The following UVRAG variants were observed in gnomAD, a reference collection of about 807,000 sequenced individuals.
UVRAG encodes UV radiation resistance-associated gene protein.
Under a neutral mutation model 78.0 loss-of-function variants are expected in UVRAG, and 19 were observed. That is an observed-to-expected ratio of 0.24 (90% confidence interval 0.17 to 0.36). UVRAG has a LOEUF of 0.36. Among genes scored for constraint, UVRAG ranks in the 10% least tolerant of loss-of-function variants. The pLI is 1.00. For missense variants in UVRAG, 740 were observed against 853.8 expected (o/e 0.87, Z 1.66); for synonymous variants, 323 against 324.6 (o/e 1.00, Z 0.05).
intron 13 of UVRAG, among the ~76,000 whole-genome samples, chr11:76,083,489 C>T (rs1422753591): frequency 6.6e-6 from 1 of 152,106 alleles, no homozygotes; most frequent in African/African-American, 2.4e-5. Flanking sequence ...AGTAAACGAG[C>T]TTTTGGGTAT....
chr11:76,115,967 C>T lies in UVRAG; in HGVS notation c.1349C>T (p.Thr450Ile). Residue 450 changes from threonine (T) to isoleucine (I), a missense_variant, in exon 14 of 15, where the codon ACC becomes ATC. Coordinates refer to ENST00000356136, the MANE Select transcript of UVRAG (RefSeq NM_003369.4). ...CTAGGGACTCCAGACTTGCGGCAAA[C>T]CCTTCCCAACCTGAAAAACTTCATG... Reference protein sequence around the residue: ...HGLGTPDLRQTLPNLKNFMEH... With the variant: ...HGLGTPDLRQILPNLKNFMEH... 1 of 1,613,936 alleles carries T rather than the reference C, an allele frequency of 6.2e-7. No homozygotes were observed. Among genetic ancestry groups the T allele is most frequent in the Non-Finnish European group, 8.5e-7 (1 of 1,179,880 alleles).
chr11:75,937,144 C>T (rs1222809494), intron 6 of UVRAG, among the ~76,000 whole-genome samples: 7 of 152,216 alleles, frequency 4.6e-5, no homozygotes, highest in Non-Finnish European at 8.8e-5. Context: ...CCAAGGTGGG[C>T]GGATCCTGAG....
At chr11:76,119,123 C>T (rs1290579871) in intron 14 of UVRAG, among the ~76,000 whole-genome samples, 2 of 152,068 alleles carry the variant, frequency 1.3e-5, no homozygotes, top group Non-Finnish European at 2.9e-5. Flanking sequence ...TGGTGCCTAC[C>T]GAATTCTAAA....
rs939740369 is a variant in UVRAG, at chr11:75,943,381, C to T, written c.594-18063C>T. ...TAAATTGTAAAAATCTTGTCCATAT[C>T]TGTAGTTTGTTTTGTTTATTGTTTC... On this transcript the variant is annotated intron_variant, in intron 6 of 14. Transcript: ENST00000356136. Among the ~76,000 whole-genome samples the T allele has an allele frequency of 4.0e-5, 6 of 149,472 alleles. No homozygotes were observed. The South Asian group carries it at 1.3e-3, about 31-fold the overall frequency.
intron 5 of UVRAG, among the ~76,000 whole-genome samples, chr11:75,899,425 G>A (rs1265027227): frequency 6.6e-6 from 1 of 152,032 alleles, no homozygotes; most frequent in African/African-American, 2.4e-5. Context: ...TGTCAGAAAG[G>A]TTATGTATTT....
At chr11:76,035,587 C>T (rs371278133) in intron 12 of UVRAG, among the ~76,000 whole-genome samples, 19 of 152,112 alleles carry the variant, frequency 1.2e-4, no homozygotes, top group African/African-American at 4.3e-4. Flanking sequence ...AACCTGTTCA[C>T]CTATTCATGC....
rs79445829 is a variant in UVRAG at position 76,012,756 on chromosome 11, G to A, written c.1060+3889G>A. 4.0e-5 allele frequency among the ~76,000 whole-genome samples: 6 copies of A among 151,544 alleles called. No individual in the cohort carries two copies. The East Asian group carries it at 1.2e-3, about 29-fold the overall frequency. On this transcript the variant is annotated intron_variant, in intron 11 of 14. Coordinates refer to ENST00000356136, the MANE Select transcript of UVRAG (RefSeq NM_003369.4). ...AATGTCCAGTGAAGGGTGTTCATCT[G>A]AGTTCCACTGACCGAGACATTTAGC...
intron 14 of UVRAG, among the ~76,000 whole-genome samples, chr11:76,121,886 C>A (rs1041015977): frequency 6.6e-6 from 1 of 152,128 alleles, no homozygotes; most frequent in African/African-American, 2.4e-5. Context: ...GTGTGTATTC[C>A]CTCAGTAGCT....
intron 11 of UVRAG, among the ~76,000 whole-genome samples, chr11:76,010,550 G>C (rs1256982778): frequency 1.3e-5 from 2 of 152,126 alleles, no homozygotes; most frequent in Non-Finnish European, 2.9e-5. Context: ...TGATGAAGGA[G>C]GAATGGGCTT....
chr11:76,125,949 A>AC (rs1952379614), intron 14 of UVRAG, among the ~76,000 whole-genome samples: 1 of 146,422 alleles, frequency 6.8e-6, no homozygotes, highest in African/African-American at 2.5e-5. Flanking sequence ...TCTGGCAGTC[A>AC]CTTTTTTTTT....
At chr11:76,139,188 A>G (rs1287840127) in intron 14 of UVRAG, among the ~76,000 whole-genome samples, 1 of 152,136 alleles carries the variant, frequency 6.6e-6, no homozygotes, top group Non-Finnish European at 1.5e-5. Flanking sequence ...CTTCCCAAGA[A>G]TAACCCTTGC....
chr11:76,048,347 G>A (rs1950802573), intron 12 of UVRAG, among the ~76,000 whole-genome samples: 1 of 152,180 alleles, frequency 6.6e-6, no homozygotes, highest in African/African-American at 2.4e-5. Context: ...TGCAGAACAG[G>A]TAAAGATTAG....
chr11:75,820,739 G>A (rs1373582848), intron 1 of UVRAG, among the ~76,000 whole-genome samples: 1 of 152,120 alleles, frequency 6.6e-6, no homozygotes, highest in Non-Finnish European at 1.5e-5. Flanking sequence ...GACTAAAAAA[G>A]TCCATAGTTC....
In UVRAG at chr11:75,880,053, C is replaced by G. The variant is rs1447411938; in HGVS notation, c.432+13C>G. 6 of 1,613,108 alleles carry G rather than the reference C, an allele frequency of 3.7e-6. No homozygotes were observed. Among genetic ancestry groups the G allele is most frequent in the Non-Finnish European group, 3.4e-6 (4 of 1,179,294 alleles). ...CTTGGGTCAGCAGGTAATTTTTAGACTGTAGTTTCAAGTAGTTGTCATCTC... is the reference window on the plus strand; with the variant it reads ...CTTGGGTCAGCAGGTAATTTTTAGAGTGTAGTTTCAAGTAGTTGTCATCTC... On this transcript the variant is annotated intron_variant, in intron 4 of 14. Transcript: ENST00000356136.
rs550029089 is a variant in UVRAG at position 75,839,350 on chromosome 11, C to G, written c.118-12533C>G. On this transcript the variant is annotated intron_variant, in intron 1 of 14. Transcript: ENST00000356136. ...TAGTAATTTTTTTCTTTTATAGCTT[C>G]TGAATATCATTTTTAGACCTTTGTG... 2.6e-5 allele frequency among the ~76,000 whole-genome samples: 4 copies of G among 151,958 alleles called. No individual in the cohort carries two copies. In the South Asian group the frequency reaches 8.3e-4, roughly 32 times the overall value.
intron 1 of UVRAG, among the ~76,000 whole-genome samples, chr11:75,839,925 A>G (rs1034430240): frequency 2.0e-5 from 3 of 151,730 alleles, no homozygotes; most frequent in African/African-American, 7.3e-5. Flanking sequence ...GGTACCTGTT[A>G]CCCCACTTCA....
intron 3 of UVRAG, among the ~76,000 whole-genome samples, chr11:75,879,308 C>G (rs1477889305): frequency 6.6e-6 from 1 of 152,218 alleles, no homozygotes; most frequent in African/African-American, 2.4e-5. Flanking sequence ...TGGCATTTTA[C>G]ACCTCTGAGC....
intron 2 of UVRAG, among the ~76,000 whole-genome samples, chr11:75,856,283 G>A (rs987817914): frequency 1.9e-4 from 29 of 152,138 alleles, no homozygotes; most frequent in Non-Finnish European, 2.8e-4. Context: ...GATTACAGGC[G>A]TGAGCCACCG....
intron 7 of UVRAG, among the ~76,000 whole-genome samples, chr11:75,978,492 C>T (rs1391020528): frequency 6.7e-6 from 1 of 150,240 alleles, no homozygotes; most frequent in Non-Finnish European, 1.5e-5. Flanking sequence ...CTCCCCATCA[C>T]TTTCAGGTAC....
Sources: allele counts gnomAD v4.1 joint callset (sites outside exome capture counted in the v4.1 genomes callset), GRCh38; gene constraint gnomAD v4.1.1; transcripts MANE v1.5; gene names NCBI Gene and HGNC (gene_info 2026-07-23, HGNC 2026-07-21).